ORC3: variants seen among roughly 807,000 people sequenced by gnomAD.
ORC3 encodes homolog of latheo, Drosophila.
In ORC3, 78 loss-of-function variants were observed where a neutral mutation model predicts 100.7. That is an observed-to-expected ratio of 0.77 (90% confidence interval 0.65 to 0.94). ORC3 has a LOEUF of 0.94. Ranked by LOEUF, ORC3 falls within the 40% of genes least tolerant of loss-of-function variation. The pLI is 0.00. For synonymous variants in ORC3, 295 were observed against 289.3 expected (o/e 1.02, Z -0.20); for missense variants, 789 against 823.9 (o/e 0.96, Z 0.52).
At chr6:87,601,719 C>A in intron 2 of ORC3, 65 bp from the exon 3 acceptor site, 3 of 939,104 alleles carry the variant, frequency 3.2e-6, no homozygotes, top group Non-Finnish European at 3.3e-6. Flanking sequence ...TAACTTTGCA[C>A]GTAAGATCTA....
In ORC3 at chr6:87,609,186, A is replaced by G. The variant is rs1778564943; in HGVS notation, c.670A>G (p.Ser224Gly). 1 of 1,610,668 alleles carries G rather than the reference A, an allele frequency of 6.2e-7. No homozygotes were observed. The highest frequency in any genetic ancestry group is 2.2e-5 in the East Asian group (1 of 44,676). Residue 224 changes from serine (S) to glycine (G), a missense_variant, in exon 7 of 20, where the codon AGC (serine) becomes GGC (glycine). By Grantham distance (56) the Ser-to-Gly change is moderately conservative (BLOSUM62 0). Coordinates refer to ENST00000392844, the MANE Select transcript of ORC3 (RefSeq NM_012381.4). ...TGTCGTTATCTTGAAGGATATGGAA[A>G]GCTTTGCCACAAAAGTACTACAAGA... ...PVVVILKDME[S>G]FATKVLQDFI...
chr6:87,614,563 C>T (rs1428048797), intron 8 of ORC3, among the ~76,000 whole-genome samples: 1 of 152,194 alleles, frequency 6.6e-6, no homozygotes, highest in Non-Finnish European at 1.5e-5. Flanking sequence ...TTATGCCCTG[C>T]TTCCCTCATA....
chr6:87,641,174 C>T (rs548681774), intron 13 of ORC3, among the ~76,000 whole-genome samples: 1 of 152,044 alleles, frequency 6.6e-6, no homozygotes, highest in Non-Finnish European at 1.5e-5. Context: ...CTGAAGAGTA[C>T]TACACTCTCA....
chr6:87,604,465 A>T (rs965030619), intron 4 of ORC3, among the ~76,000 whole-genome samples: 3 of 152,224 alleles, frequency 2.0e-5, no homozygotes, highest in African/African-American at 7.2e-5. Context: ...TTACAATGCA[A>T]CATCTAAAAA....
At position 87,594,413 on chromosome 6, in the gene ORC3, G is replaced by GC; in HGVS notation, c.79+6_79+7insC. 1 of 1,565,940 alleles carries GC rather than the reference G, an allele frequency of 6.4e-7. No individual in the cohort carries two copies. Among genetic ancestry groups the GC allele is most frequent in the Non-Finnish European group, 8.7e-7 (1 of 1,147,716 alleles). On this transcript the variant is annotated splice_region_variant and intron_variant, in intron 2 of 19. Coordinates refer to ENST00000392844, the MANE Select transcript of ORC3 (RefSeq NM_012381.4). ...AAAGATCTCTCTGCCAATAGGTAAG[G>GC]TGTCTGAATATTAAATTTTTTATTC...
intron 9 of ORC3, among the ~76,000 whole-genome samples, chr6:87,618,399 A>G (rs1341600713): frequency 6.9e-6 from 1 of 144,142 alleles, no homozygotes; most frequent in African/African-American, 2.6e-5. Flanking sequence ...CCTGGGCAAC[A>G]GTGTGAGGCT....
chr6:87,646,711 C>T (rs1308450192), intron 13 of ORC3, among the ~76,000 whole-genome samples: 2 of 152,222 alleles, frequency 1.3e-5, no homozygotes, highest in East Asian at 1.9e-4. Flanking sequence ...AGTATATGCT[C>T]CTTTACATTC....
chr6:87,656,884 A>T lies in ORC3; in HGVS notation c.1517-22A>T, dbSNP rs1075665. On this transcript the variant is annotated intron_variant, in intron 14 of 19. Coordinates refer to ENST00000392844, the MANE Select transcript of ORC3 (RefSeq NM_012381.4). ...CTTGGATTTACCCTCATTGATGTCT[A>T]CTGGTTTTGTATTAAAAGCAGAAAC... 3 of 1,568,430 alleles carry T rather than the reference A, an allele frequency of 1.9e-6. No individual in the cohort carries two copies. The African/African-American group carries it at 4.1e-5, about 21-fold the overall frequency.
chr6:87,613,512 C>T (rs1778931190), intron 8 of ORC3, among the ~76,000 whole-genome samples: 1 of 152,166 alleles, frequency 6.6e-6, no homozygotes, highest in African/African-American at 2.4e-5. Context: ...CCCCCAAAGT[C>T]CTAACTCATT....
At chr6:87,604,768 C>G (rs2082668673) in intron 4 of ORC3, among the ~76,000 whole-genome samples, 1 of 151,868 alleles carries the variant, frequency 6.6e-6, no homozygotes, top group Non-Finnish European at 1.5e-5. Flanking sequence ...ATAATGCATG[C>G]TAGGAATCAT....
chr6:87,670,420 C>T (rs1338007698), downstream of ORC3, among the ~76,000 whole-genome samples: 2 of 152,172 alleles, frequency 1.3e-5, no homozygotes, highest in African/African-American at 2.4e-5. Context: ...CCCACCTAGG[C>T]TTCCCAAAGT....
Position 87,603,421 on chromosome 6 carries a change from A to G in ORC3, c.215A>G (p.Asn72Ser), listed in dbSNP as rs1554236707. 3 of 1,529,178 alleles carry G rather than the reference A, an allele frequency of 2.0e-6. No homozygotes were observed. The highest frequency in any genetic ancestry group is 1.7e-5 in the Admixed American group (1 of 59,322). The allele number at this position is 1,529,178 out of a possible 1,614,324, so 94.7% of individuals were successfully genotyped here. Residue 72 changes from asparagine to serine, a missense_variant, in exon 4 of 20, where the codon AAT (asparagine) becomes AGT (serine). By Grantham distance (46) the Asn-to-Ser change is conservative (BLOSUM62 1). Coordinates refer to ENST00000392844, the MANE Select transcript of ORC3 (RefSeq NM_012381.4). ...GAATTAAATAAAAACTTGTTTGACA[A>G]TCTGATTGAATTTCTGCAAAAATCA... ...QEELNKNLFD[N>S]LIEFLQKSHS...
intron 2 of ORC3, among the ~76,000 whole-genome samples, chr6:87,599,717 T>C (rs1256372157): frequency 2.2e-5 from 3 of 139,106 alleles, no homozygotes; most frequent in Non-Finnish European, 4.5e-5. Context: ...GATGTACGCC[T>C]GTAATACCAG....
chr6:87,599,559 G>A (rs1777733170), intron 2 of ORC3, among the ~76,000 whole-genome samples: 1 of 151,810 alleles, frequency 6.6e-6, no homozygotes, highest in Admixed American at 6.6e-5. Context: ...GCAGAGATGG[G>A]GTTTCACCAT....
At chr6:87,669,336 T>A (rs1770784170), downstream of ORC3, among the ~76,000 whole-genome samples, 1 of 152,252 alleles carries the variant, frequency 6.6e-6, no homozygotes. Flanking sequence ...GGTAGTTAAG[T>A]TAGATTAGGT....
At chr6:87,591,237 A>G (rs972649049) in intron 1 of ORC3, among the ~76,000 whole-genome samples, 2 of 152,212 alleles carry the variant, frequency 1.3e-5, no homozygotes, top group African/African-American at 4.8e-5. Flanking sequence ...CTTGAGTTCT[A>G]TTGTAAGTGC....
At chr6:87,639,100 C>G (rs1226482034) in intron 13 of ORC3, among the ~76,000 whole-genome samples, 1 of 152,032 alleles carries the variant, frequency 6.6e-6, no homozygotes, top group African/African-American at 2.4e-5. Flanking sequence ...TTTAGACATG[C>G]ATCCCATTCT....
chr6:87,615,500 C>G (rs1432292401), intron 8 of ORC3, among the ~76,000 whole-genome samples: 2 of 152,174 alleles, frequency 1.3e-5, no homozygotes, highest in East Asian at 1.9e-4. Context: ...TTTATAGACA[C>G]TTTAAGGAAA....
intron 1 of ORC3, among the ~76,000 whole-genome samples, chr6:87,591,642 C>T (rs1178320965): frequency 2.6e-5 from 4 of 152,170 alleles, no homozygotes; most frequent in Non-Finnish European, 5.9e-5. Context: ...GGTATTATAA[C>T]AAATGTCTGT....
Sources: allele counts gnomAD v4.1 joint callset (sites outside exome capture counted in the v4.1 genomes callset), GRCh38; gene constraint gnomAD v4.1.1; transcripts MANE v1.5; gene names NCBI Gene and HGNC (gene_info 2026-07-23, HGNC 2026-07-21).